The following GRIK4 variants were observed in gnomAD, a reference collection of about 807,000 sequenced individuals.
GRIK4 encodes glutamate receptor ionotropic, kainate 4.
GRIK4 carries 40 observed loss-of-function variants against 104.9 expected under a neutral mutation model. That is an observed-to-expected ratio of 0.38 (90% CI 0.30 to 0.50). GRIK4 has a LOEUF of 0.50. Ranked by LOEUF, GRIK4 falls within the 20% of genes least tolerant of loss-of-function variation. The pLI is 0.93. For synonymous variants in GRIK4, 485 were observed against 524.9 expected (o/e 0.92, Z 1.04); for missense variants, 1,047 against 1,308.1 (o/e 0.80, Z 3.08).
rs111807775 is a variant in GRIK4, at chr11:120,967,181, C to T, written c.2267-14C>T. ...TCACAACCTGTGTCCTGGGCTCTCC[C>T]GTAACCCCCGCAGGCTCGGTTTTCC... On this transcript the variant is annotated splice_polypyrimidine_tract_variant and intron_variant, in intron 18 of 20. Coordinates refer to ENST00000527524, the MANE Select transcript of GRIK4 (RefSeq NM_014619.5). The surrounding 1 kb of genome is among the most constrained non-coding windows in gnomAD (Gnocchi z 4.2). The T allele has an allele frequency of 5.1e-3, 8,196 of 1,609,124 alleles. 28 individuals carry two copies. Among genetic ancestry groups the T allele is most frequent in the Non-Finnish European group, 5.4e-3 (6,391 of 1,177,474 alleles).
rs537248352 is a variant in GRIK4, at chr11:120,955,661, C to A, written c.1701-1119C>A. The stretch of plus-strand genomic sequence containing the variant: ...GGAAAGCAGGGGAGTGTCCCCACCT[C>A]ACCCCAAGGCACAGAGCTTAGAGCA... On this transcript the variant is annotated intron_variant, in intron 15 of 20. Coordinates refer to ENST00000527524, the MANE Select transcript of GRIK4 (RefSeq NM_014619.5). 5.9e-5 allele frequency among the ~76,000 whole-genome samples: 9 copies of A among 152,336 alleles called. No individual in the cohort carries two copies. The East Asian group carries it at 1.2e-3, about 20-fold the overall frequency.
intron 1 of GRIK4, among the ~76,000 whole-genome samples, chr11:120,569,158 C>T (rs1253531038): frequency 6.6e-6 from 1 of 152,196 alleles, no homozygotes; most frequent in Non-Finnish European, 1.5e-5. Flanking sequence ...TCTGCAGCTC[C>T]AGGCGGGGCA....
intron 3 of GRIK4, among the ~76,000 whole-genome samples, chr11:120,729,506 C>T (rs1487603279): frequency 6.6e-6 from 1 of 152,192 alleles, no homozygotes; most frequent in Non-Finnish European, 1.5e-5. Context: ...TTTCTCTGAT[C>T]ATCAGTGATG....
intron 3 of GRIK4, among the ~76,000 whole-genome samples, chr11:120,788,568 G>C (rs1027783268): frequency 1.3e-5 from 2 of 151,978 alleles, no homozygotes; most frequent in Non-Finnish European, 2.9e-5. Context: ...ATGAGTAAAA[G>C]GAAAAAAAGG....
intron 10 of GRIK4, 25 bp from the exon 11 acceptor site, chr11:120,875,114 C>G: frequency 2.1e-6 from 3 of 1,443,872 alleles, no homozygotes; most frequent in Non-Finnish European, 2.9e-6. Flanking sequence ...CTGTTTGGTG[C>G]TGTAACTCAC....
rs550057255 is a variant in GRIK4, at chr11:120,884,679, C to T, written c.1164+9436C>T. Among the ~76,000 whole-genome samples the T allele has an allele frequency of 1.6e-4, 24 of 152,358 alleles. 1 individual carries two copies. The South Asian group carries it at 4.3e-3, about 28-fold the overall frequency. ...GCTGAGGGAAGCAGAAGCTATGGTC[C>T]CACTCCTATGAGAATCCCAGCACCC... On this transcript the variant is annotated intron_variant, in intron 11 of 20. Transcript: ENST00000527524.
chr11:120,583,990 G>A (rs951134303), intron 1 of GRIK4, among the ~76,000 whole-genome samples: 2 of 152,102 alleles, frequency 1.3e-5, no homozygotes, highest in African/African-American at 4.8e-5. Flanking sequence ...GAATAGAATC[G>A]TACTCTTGAT....
intron 3 of GRIK4, among the ~76,000 whole-genome samples, chr11:120,795,027 T>A (rs1264153630): frequency 2.6e-5 from 4 of 151,996 alleles, no homozygotes; most frequent in African/African-American, 9.7e-5. Flanking sequence ...CAGGGTCAGC[T>A]GGGGAGCAGA....
At chr11:120,745,025 C>T (rs1308861019) in intron 3 of GRIK4, among the ~76,000 whole-genome samples, 1 of 152,138 alleles carries the variant, frequency 6.6e-6, no homozygotes, top group Non-Finnish European at 1.5e-5. Context: ...TGATTTTGTT[C>T]TGAACCTGAT....
chr11:120,709,871 G>A (rs1397695591), intron 3 of GRIK4, among the ~76,000 whole-genome samples: 1 of 152,200 alleles, frequency 6.6e-6, no homozygotes, highest in Non-Finnish European at 1.5e-5. Context: ...TCAGCCACCT[G>A]TGAGACTCAG....
intron 3 of GRIK4, among the ~76,000 whole-genome samples, chr11:120,774,506 T>C (rs527685621): frequency 1.3e-4 from 20 of 152,314 alleles, no homozygotes; most frequent in African/African-American, 4.3e-4. Flanking sequence ...AATTCCCTTT[T>C]TGGGGGGACC....
At chr11:120,778,832 G>C (rs1278365408) in intron 3 of GRIK4, among the ~76,000 whole-genome samples, 1 of 152,184 alleles carries the variant, frequency 6.6e-6, no homozygotes, top group East Asian at 1.9e-4. Context: ...CCTTTGTTTG[G>C]CTCAGGCAGC....
intron 9 of GRIK4, among the ~76,000 whole-genome samples, chr11:120,865,037 A>G (rs1433981946): frequency 1.3e-5 from 2 of 152,252 alleles, no homozygotes; most frequent in African/African-American, 4.8e-5. Flanking sequence ...ATACGATTCT[A>G]TTTCCAATTC....
chr11:120,615,243 C>T (rs563256788), intron 1 of GRIK4, among the ~76,000 whole-genome samples: 1 of 152,250 alleles, frequency 6.6e-6, no homozygotes, highest in South Asian at 2.1e-4. Flanking sequence ...AGGCCCTGAA[C>T]CTAGTACCAT....
chr11:120,800,889 T>C (rs981180553), intron 3 of GRIK4, among the ~76,000 whole-genome samples: 1 of 152,242 alleles, frequency 6.6e-6, no homozygotes, highest in African/African-American at 2.4e-5. Flanking sequence ...GTTGCTTTTC[T>C]GAATTCTCAA....
chr11:120,702,757 T>A (rs1396842172), intron 3 of GRIK4, among the ~76,000 whole-genome samples: 1 of 152,212 alleles, frequency 6.6e-6, no homozygotes, highest in East Asian at 1.9e-4. Flanking sequence ...GATTTTTGTT[T>A]CACTTTGTTT....
chr11:120,733,823 C>T (rs11512602), intron 3 of GRIK4, among the ~76,000 whole-genome samples: 15 of 151,594 alleles, frequency 9.9e-5, no homozygotes, highest in Non-Finnish European at 1.8e-4. Flanking sequence ...CTGCAACCTC[C>T]ACCTCCCGGG....
chr11:120,714,318 T>G (rs1950789212), intron 3 of GRIK4, among the ~76,000 whole-genome samples: 1 of 152,208 alleles, frequency 6.6e-6, no homozygotes, highest in Non-Finnish European at 1.5e-5. Context: ...CAAGCCAGAG[T>G]AAAGATGAGG....
intron 13 of GRIK4, among the ~76,000 whole-genome samples, chr11:120,928,663 G>A (rs925152147): frequency 6.6e-6 from 1 of 152,116 alleles, no homozygotes; most frequent in African/African-American, 2.4e-5. Flanking sequence ...CCTTAGCGCT[G>A]GTTCGTTCCT....
Sources: allele counts gnomAD v4.1 joint callset (sites outside exome capture counted in the v4.1 genomes callset), GRCh38; gene constraint gnomAD v4.1.1; non-coding constraint Gnocchi (gnomAD v3.1); transcripts MANE v1.5; gene names NCBI Gene and HGNC (gene_info 2026-07-23, HGNC 2026-07-21).